CDKN2B-AS1: variants seen among roughly 807,000 people sequenced by gnomAD.
The protein encoded by CDKN2B-AS1 is CDKN2B antisense RNA 1 (non-protein coding).
chr9:22,120,219 T>G (rs1208773834), intron 4 of CDKN2B-AS1: 4 of 152,250 alleles, frequency 2.6e-5, no homozygotes, highest in Non-Finnish European at 5.9e-5. Context: ...GACAGCAAGT[T>G]GAACATTGTG....
At position 22,111,737 on chromosome 9, in the gene CDKN2B-AS1, A is replaced by G. The variant is rs72654230; in HGVS notation, n.439-15366A>G. Among the ~76,000 whole-genome samples, 332 of 152,290 alleles carry G rather than the reference A, an allele frequency of 2.2e-3. 2 individuals carry two copies. Among genetic ancestry groups the G allele is most frequent in the Middle Eastern group, 0.01 (3 of 294 alleles). ...ATTTAATTTCAGTGCCAATTAAAGAAATTCGAAAGTAGATAATAAGTGAGA... is the reference window on the plus strand; with the variant it reads ...ATTTAATTTCAGTGCCAATTAAAGAGATTCGAAAGTAGATAATAAGTGAGA... On this transcript the variant is annotated intron_variant and non_coding_transcript_variant, in intron 4 of 4. Coordinates refer to ENST00000650946, the Ensembl canonical transcript of CDKN2B-AS1.
rs540015973 is a variant in CDKN2B-AS1, at chr9:22,097,967, G to A, written n.439-29136G>A. 2.6e-5 allele frequency among the ~76,000 whole-genome samples: 4 copies of A among 152,284 alleles called. No individual in the cohort carries two copies. In the South Asian group the frequency reaches 6.2e-4, roughly 24 times the overall value. On this transcript the variant is annotated intron_variant and non_coding_transcript_variant, in intron 4 of 4. Transcript: ENST00000650946. The stretch of plus-strand genomic sequence containing the variant: ...CTATGAGTCAAAGCTTTTACGTCTT[G>A]CTGATAGTTCAGAGTTGTGATGTGA...
intron 4 of CDKN2B-AS1, among the ~76,000 whole-genome samples, chr9:22,086,482 A>G (rs1486312414): frequency 1.3e-5 from 2 of 152,236 alleles, no homozygotes; most frequent in Admixed American, 1.3e-4. Context: ...TGAGATGAAG[A>G]TGCCCCTCAC....
chr9:22,003,566 C>G (rs1587375317), intron 1 of CDKN2B-AS1: 1 of 229,162 alleles, frequency 4.4e-6, no homozygotes, highest in East Asian at 6.3e-5. Context: ...CAACTGACTT[C>G]TTTTATATAG....
At chr9:22,079,207 G>A (rs1824605787) in intron 4 of CDKN2B-AS1, among the ~76,000 whole-genome samples, 1 of 152,224 alleles carries the variant, frequency 6.6e-6, no homozygotes, top group Admixed American at 6.5e-5. Flanking sequence ...AAAGTGGCCG[G>A]GTGCAGTGGC....
chr9:22,092,035 T>C (rs1042466350), intron 4 of CDKN2B-AS1, among the ~76,000 whole-genome samples: 1 of 151,840 alleles, frequency 6.6e-6, no homozygotes, highest in Non-Finnish European at 1.5e-5. Flanking sequence ...AGCATGAAGG[T>C]TGTTGAATTT....
At chr9:22,096,148 A>T (rs1304493108) in intron 4 of CDKN2B-AS1, among the ~76,000 whole-genome samples, 1 of 152,224 alleles carries the variant, frequency 6.6e-6, no homozygotes, top group Non-Finnish European at 1.5e-5. Flanking sequence ...AATACAGTGC[A>T]TCTGGGAAAG....
chr9:22,098,502 AAAAC>A (rs1414401850), intron 4 of CDKN2B-AS1, among the ~76,000 whole-genome samples: 1 of 152,176 alleles, frequency 6.6e-6, no homozygotes, highest in Non-Finnish European at 1.5e-5. Context: ...TAAAAAATGA[AAAAC>A]AAAGTCCACT....
At chr9:22,029,006 G>A (rs1235933514) in intron 1 of CDKN2B-AS1, among the ~76,000 whole-genome samples, 1 of 151,388 alleles carries the variant, frequency 6.6e-6, no homozygotes, top group Non-Finnish European at 1.5e-5. Context: ...CTTAATTTGG[G>A]ACAATTTGGA....
intron 1 of CDKN2B-AS1, among the ~76,000 whole-genome samples, chr9:22,043,131 C>A (rs1474191686): frequency 6.6e-6 from 1 of 152,024 alleles, no homozygotes; most frequent in South Asian, 2.1e-4. Flanking sequence ...GTTATAATAG[C>A]CATATCAATT....
intron 1 of CDKN2B-AS1, chr9:22,012,069 G>T: frequency 1.6e-6 from 1 of 608,004 alleles, no homozygotes; most frequent in Non-Finnish European, 3.0e-6. Context: ...TGGTGAAATT[G>T]TCTGTATATG....
intron 1 of CDKN2B-AS1, among the ~76,000 whole-genome samples, chr9:22,037,730 G>A (rs188967704): frequency 6.6e-6 from 1 of 151,944 alleles, no homozygotes; most frequent in Non-Finnish European, 1.5e-5. Flanking sequence ...TTCATTCAGG[G>A]AACTCATATT....
At chr9:22,075,595 G>T (rs1176197962) in intron 4 of CDKN2B-AS1, among the ~76,000 whole-genome samples, 4 of 152,168 alleles carry the variant, frequency 2.6e-5, no homozygotes, top group Admixed American at 1.3e-4. Flanking sequence ...AATTTGGTGG[G>T]GATGGGAAGC....
At chr9:22,056,342 A>G (rs1202270801) in exon 4 of CDKN2B-AS1, 1 of 151,380 alleles carries the variant, frequency 6.6e-6, no homozygotes, top group South Asian at 2.1e-4. Context: ...TGCTGGGATT[A>G]CAGGTGTGAG....
At chr9:22,024,964 T>TG (rs1822171812) in intron 1 of CDKN2B-AS1, among the ~76,000 whole-genome samples, 1 of 152,170 alleles carries the variant, frequency 6.6e-6, no homozygotes, top group Admixed American at 6.5e-5. Context: ...CCCTGACTGA[T>TG]GTACAAGACC....
Position 22,066,700 on chromosome 9 carries a change from G to A in CDKN2B-AS1, n.438+10313G>A, listed in dbSNP as rs115632247. Reference sequence around the variant, plus strand: ...TTGTGCAGTTTTAAAAAGAACATTCGTATTTTAATTTTAGCATAGAGTTAC... The same window carrying A: ...TTGTGCAGTTTTAAAAAGAACATTCATATTTTAATTTTAGCATAGAGTTAC... On this transcript the variant is annotated intron_variant and non_coding_transcript_variant, in intron 4 of 4. Coordinates refer to ENST00000650946, the Ensembl canonical transcript of CDKN2B-AS1. Among the ~76,000 whole-genome samples, 473 of 151,630 alleles carry A rather than the reference G, an allele frequency of 3.1e-3. 3 individuals carry two copies. Among genetic ancestry groups the A allele is most frequent in the African/African-American group, 0.011 (443 of 41,396 alleles).
chr9:22,008,286 G>T (rs1030625982), intron 1 of CDKN2B-AS1, among the ~76,000 whole-genome samples: 3 of 152,076 alleles, frequency 2.0e-5, no homozygotes, highest in African/African-American at 7.2e-5. Context: ...TAACATAAAA[G>T]GAACTAAGTA....
chr9:22,056,247 T>TTTTTTTTTTTTTTTTTC (rs397743274), intron 3 of CDKN2B-AS1: 161 of 132,378 alleles, frequency 1.2e-3, no homozygotes, highest in Middle Eastern at 4.5e-3. Context: ...TTTTTTTTTT[T>TTTTTTTTTTTTTTTTTC]CCAGTAGAGA....
chr9:22,066,672 A>G (rs1448496370), intron 4 of CDKN2B-AS1, among the ~76,000 whole-genome samples: 1 of 151,976 alleles, frequency 6.6e-6, no homozygotes, highest in Non-Finnish European at 1.5e-5. Context: ...AATAGCAAAG[A>G]GATTGTGCAG....
Sources: allele counts gnomAD v4.1 joint callset (sites outside exome capture counted in the v4.1 genomes callset), GRCh38; gene constraint gnomAD v4.1.1; transcripts MANE v1.5; gene names NCBI Gene and HGNC (gene_info 2026-07-23, HGNC 2026-07-21).